Variants in ARHGAP25 observed in about 807,000 individuals in gnomAD.
The protein encoded by ARHGAP25 is rho GTPase-activating protein 25.
ARHGAP25 carries 34 observed loss-of-function variants against 71.0 expected under a neutral mutation model. The ratio of observed to expected loss-of-function variants is 0.48; its 90% CI spans 0.36 to 0.64. The LOEUF (loss-of-function observed/expected upper bound fraction) is 0.64, where lower values mean the gene tolerates loss of function less well. ARHGAP25 is among the 30% of genes least tolerant of loss of function. The pLI is 0.00. For missense variants in ARHGAP25, 706 were observed against 805.1 expected (o/e 0.88, Z 1.49); for synonymous variants, 282 against 296.5 (o/e 0.95, Z 0.50).
chr2:68,809,836 TG>T (rs1680648660), intron 5 of ARHGAP25, among the ~76,000 whole-genome samples: 2 of 152,174 alleles, frequency 1.3e-5, no homozygotes, highest in African/African-American at 4.8e-5. Flanking sequence ...TGAGCAAAGT[TG>T]CTGTTTGGTG....
chr2:68,806,169 A>G, intron 4 of ARHGAP25, among the ~76,000 whole-genome samples: 1 of 152,226 alleles, frequency 6.6e-6, no homozygotes, highest in East Asian at 1.9e-4. Flanking sequence ...TTGACCCAGT[A>G]ATTCTACACT....
intron 2 of ARHGAP25, 124 bp from the exon 3 acceptor site, chr2:68,782,109 C>A: frequency 1.2e-6 from 1 of 819,428 alleles, no homozygotes. Flanking sequence ...GGGAGGCTAG[C>A]TTCCCATGTC....
At chr2:68,739,522 A>G (rs1232378646) in intron 1 of ARHGAP25, among the ~76,000 whole-genome samples, 1 of 152,204 alleles carries the variant, frequency 6.6e-6, no homozygotes, top group South Asian at 2.1e-4. Context: ...TGAGAGAAGT[A>G]AGTTGATGAA....
chr2:68,743,403 T>G (rs1361848394), intron 1 of ARHGAP25, among the ~76,000 whole-genome samples: 1 of 152,196 alleles, frequency 6.6e-6, no homozygotes, highest in Admixed American at 6.5e-5. Flanking sequence ...ACCATTCTCT[T>G]TCAGATCATT....
At chr2:68,766,005 G>T (rs772526694) in intron 1 of ARHGAP25, among the ~76,000 whole-genome samples, 7 of 152,194 alleles carry the variant, frequency 4.6e-5, no homozygotes, top group African/African-American at 7.2e-5. Flanking sequence ...GGTCCTTCCT[G>T]TGAATTACTC....
intron 1 of ARHGAP25, among the ~76,000 whole-genome samples, chr2:68,760,398 A>C (rs141193646): frequency 6.7e-4 from 102 of 152,208 alleles, no homozygotes; most frequent in African/African-American, 2.3e-3. Flanking sequence ...AAGTACACTT[A>C]TCTCTATTTA....
chr2:68,821,906 G>GTTTTTT (rs59964574), intron 9 of ARHGAP25, among the ~76,000 whole-genome samples: 115 of 81,500 alleles, frequency 1.4e-3, no homozygotes, highest in Non-Finnish European at 1.7e-3. Flanking sequence ...CTTTTTGCTA[G>GTTTTTT]TTTTTTTTTT....
At chr2:68,816,268 C>G (rs1470367038) in intron 6 of ARHGAP25, 21 bp from the exon 7 acceptor site, 1 of 1,604,132 alleles carries the variant, frequency 6.2e-7, no homozygotes, top group Admixed American at 1.7e-5. Flanking sequence ...AAATGATTTA[C>G]TTGTGTAAAT....
At chr2:68,782,659 G>A (rs1404652859) in intron 3 of ARHGAP25, among the ~76,000 whole-genome samples, 2 of 152,188 alleles carry the variant, frequency 1.3e-5, no homozygotes, top group African/African-American at 4.8e-5. Flanking sequence ...TGAACTCATT[G>A]TAGAAGGAGA....
chr2:68,757,115 A>G (rs1446632934), intron 1 of ARHGAP25, among the ~76,000 whole-genome samples: 1 of 152,148 alleles, frequency 6.6e-6, no homozygotes, highest in Non-Finnish European at 1.5e-5. Flanking sequence ...AAAATTATCA[A>G]GTATGAGAAA....
intron 2 of ARHGAP25, among the ~76,000 whole-genome samples, chr2:68,723,028 C>A (rs565182370): frequency 6.6e-6 from 1 of 152,130 alleles, no homozygotes; most frequent in Non-Finnish European, 1.5e-5. Flanking sequence ...AGGGTGACAG[C>A]GCCTCTGTTT....
At chr2:68,726,401 G>T (rs1674884505) in intron 2 of ARHGAP25, among the ~76,000 whole-genome samples, 2 of 152,234 alleles carry the variant, frequency 1.3e-5, no homozygotes, top group South Asian at 4.1e-4. Flanking sequence ...TTACGTGAGG[G>T]ACATTTGCTC....
At chr2:68,736,924 C>T (rs368813507) in intron 1 of ARHGAP25, among the ~76,000 whole-genome samples, 48 of 152,206 alleles carry the variant, frequency 3.2e-4, no homozygotes, top group African/African-American at 1.1e-3. Flanking sequence ...CCCCAGCAGA[C>T]AGTTTTCACC....
rs115979462 is a variant in ARHGAP25, at chr2:68,784,783, C to T, written c.349+2463C>T. ...AACAAAGCAGCCTGCATGCACGTTA[C>T]GTGGGAAGAGACTAGCAGCAAACCA... is the stretch of plus-strand genomic sequence containing the variant. On this transcript the variant is annotated intron_variant, in intron 3 of 10. Coordinates refer to ENST00000409202, the MANE Select transcript of ARHGAP25 (RefSeq NM_001007231.3). 1.5e-3 allele frequency among the ~76,000 whole-genome samples: 233 copies of T among 152,262 alleles called. 1 individual carries two copies. Among genetic ancestry groups the T allele is most frequent in the African/African-American group, 5.4e-3 (223 of 41,548 alleles).
In ARHGAP25 at chr2:68,784,523, A is replaced by G. The variant is rs541363290; in HGVS notation, c.349+2203A>G. 3.3e-5 allele frequency among the ~76,000 whole-genome samples: 5 copies of G among 152,232 alleles called. No homozygotes were observed. The East Asian group carries it at 9.7e-4, about 29-fold the overall frequency. On this transcript the variant is annotated intron_variant, in intron 3 of 10. Transcript: ENST00000409202. ...TTTTTTTTTTAATTGGGGGCAGGCA[A>G]CAATTTAGGGTAGGCTTCCCTCTCC...
At chr2:68,784,190 TCACA>T (rs550738447) in intron 3 of ARHGAP25, among the ~76,000 whole-genome samples, 1 of 150,056 alleles carries the variant, frequency 6.7e-6, no homozygotes, top group Non-Finnish European at 1.5e-5. Flanking sequence ...TCTCTCTCTC[TCACA>T]CACACACACA....
chr2:68,815,446 T>C (rs1206683850), intron 6 of ARHGAP25, among the ~76,000 whole-genome samples: 6 of 47,372 alleles, frequency 1.3e-4, no homozygotes, highest in South Asian at 4.8e-4. Context: ...GTACTCTCTT[T>C]TTTTTTTTTT....
chr2:68,762,772 G>A (rs1676906948), intron 1 of ARHGAP25, among the ~76,000 whole-genome samples: 1 of 152,172 alleles, frequency 6.6e-6, no homozygotes, highest in African/African-American at 2.4e-5. Flanking sequence ...CAGCCAAAAA[G>A]AAATGTCAAG....
chr2:68,797,530 C>G (rs538940078), intron 4 of ARHGAP25, among the ~76,000 whole-genome samples: 27 of 152,328 alleles, frequency 1.8e-4, no homozygotes, highest in African/African-American at 6.0e-4. Flanking sequence ...TTGCTTAGGA[C>G]CTGGGATGGT....
Sources: gnomAD v4.1 joint callset for allele counts (sites outside exome capture counted in the v4.1 genomes callset) on GRCh38, gnomAD v4.1.1 for gene constraint, MANE v1.5 for transcripts, NCBI Gene and HGNC (gene_info 2026-07-23, HGNC 2026-07-21) for gene names.